ITGA9: variants seen among roughly 807,000 people sequenced by gnomAD.
ITGA9 encodes the protein integrin subunit alpha 9, also known as integrin alpha-9.
Under a neutral mutation model 127.8 loss-of-function variants are expected in ITGA9, and 56 were observed. The ratio of observed to expected loss-of-function variants is 0.44; its 90% CI spans 0.35 to 0.55. The LOEUF is 0.55. ITGA9 is among the 20% of genes least tolerant of loss of function. The pLI, the probability that ITGA9 is intolerant of heterozygous loss-of-function variation, is 0.00. For synonymous variants in ITGA9, 508 were observed against 514.5 expected (o/e 0.99, Z 0.17); for missense variants, 1,196 against 1,347.1 (o/e 0.89, Z 1.76).
At chr3:37,684,326 T>G (rs574964238) in intron 18 of ITGA9, among the ~76,000 whole-genome samples, 2 of 152,284 alleles carry the variant, frequency 1.3e-5, no homozygotes, top group South Asian at 4.2e-4. Flanking sequence ...ACAGTTGCTG[T>G]CTCCAGCACA....
intron 12 of ITGA9, among the ~76,000 whole-genome samples, chr3:37,525,307 A>G (rs185199370): frequency 1.3e-5 from 2 of 152,364 alleles, no homozygotes; most frequent in Non-Finnish European, 2.9e-5. Context: ...CATATATTTA[A>G]TAAATATTTA....
intron 16 of ITGA9, among the ~76,000 whole-genome samples, chr3:37,638,290 G>A (rs966876749): frequency 7.9e-5 from 12 of 152,084 alleles, no homozygotes; most frequent in Non-Finnish European, 7.4e-5. Flanking sequence ...TCAGTATGGC[G>A]AGGTATGTGG....
chr3:37,536,463 A>G (rs1196362656), intron 14 of ITGA9, among the ~76,000 whole-genome samples: 1 of 152,232 alleles, frequency 6.6e-6, no homozygotes, highest in Admixed American at 6.5e-5. Flanking sequence ...CTTCTGTGGT[A>G]TTTATCTGCT....
intron 2 of ITGA9, among the ~76,000 whole-genome samples, chr3:37,472,206 C>A (rs371875277): frequency 3.3e-5 from 5 of 152,192 alleles, no homozygotes; most frequent in Admixed American, 2.0e-4. Context: ...CCCTCACCTT[C>A]AAGATCAAGA....
chr3:37,806,464 C>A lies in ITGA9; in HGVS notation c.3009+2522C>A, dbSNP rs1697298281. On this transcript the variant is annotated intron_variant, in intron 27 of 27. Coordinates refer to ENST00000264741, the MANE Select transcript of ITGA9 (RefSeq NM_002207.3). This position sits in a 1 kb window ranked among gnomAD's most constrained non-coding sequence, Gnocchi z 4.3. Reference sequence around the variant, plus strand: ...TTCCCCTTATAGTCTGCATGCCCTCCTTCTGGCCGCCCCACCTGGCTCTGC... The same window carrying A: ...TTCCCCTTATAGTCTGCATGCCCTCATTCTGGCCGCCCCACCTGGCTCTGC... 6.6e-6 allele frequency: 1 copy of A among 152,496 alleles called. No individual in the cohort carries two copies. The highest frequency in any genetic ancestry group is 6.5e-5 in the Admixed American group (1 of 15,282). The allele number at this position is 152,496 out of a possible 1,614,324, so 9.4% of individuals were successfully genotyped here. A position where few individuals can be genotyped will look rare whatever the true frequency, so the allele number is the denominator to read the frequency against.
At chr3:37,594,374 C>T (rs540802509) in intron 15 of ITGA9, among the ~76,000 whole-genome samples, 1 of 152,338 alleles carries the variant, frequency 6.6e-6, no homozygotes, top group African/African-American at 2.4e-5. Context: ...TTGCTCTCAG[C>T]AAGCTCCTCT....
chr3:37,525,930 C>T (rs1206240690), intron 12 of ITGA9, 96 bp from the exon 13 acceptor site: 2 of 1,004,564 alleles, frequency 2.0e-6, no homozygotes, highest in Middle Eastern at 2.9e-4. Context: ...TCTCCGGCCT[C>T]AAGGCTGGGT....
rs147934395 is a variant in ITGA9 at position 37,723,709 on chromosome 3, G to A, written c.2068-9003G>A. ...AATTTTTTGTTTTTGCCATCTCCCC[G>A]TGTAGGCTGCATGTGCTGCGACGGC... On this transcript the variant is annotated intron_variant, in intron 18 of 27. Transcript: ENST00000264741. 1.3e-4 allele frequency among the ~76,000 whole-genome samples: 20 copies of A among 152,294 alleles called. 1 individual carries two copies. In the East Asian group the frequency reaches 3.1e-3, roughly 23 times the overall value.
At chr3:37,559,529 G>A (rs1310076122) in intron 15 of ITGA9, among the ~76,000 whole-genome samples, 1 of 152,194 alleles carries the variant, frequency 6.6e-6, no homozygotes, top group Admixed American at 6.5e-5. Flanking sequence ...TTTCCAAGCA[G>A]GTGTCCTTGC....
At chr3:37,581,150 G>C (rs4678970) in intron 15 of ITGA9, among the ~76,000 whole-genome samples, 106,191 of 152,070 alleles carry the variant, frequency 0.7, 37,494 homozygotes, top group East Asian at 0.75. Context: ...AAAAATCACT[G>C]TGGGCCTGTG....
intron 15 of ITGA9, among the ~76,000 whole-genome samples, chr3:37,602,103 C>T (rs1047209558): frequency 2.0e-5 from 3 of 152,174 alleles, no homozygotes; most frequent in Admixed American, 6.5e-5. Flanking sequence ...ACCCAAGCAC[C>T]TCCCATCAGA....
chr3:37,686,695 G>T (rs1380715099), intron 18 of ITGA9, among the ~76,000 whole-genome samples: 15 of 152,096 alleles, frequency 9.9e-5, no homozygotes, highest in Admixed American at 6.5e-5. Context: ...CGTGGTGAGT[G>T]TTAGCTCCAG....
intron 15 of ITGA9, among the ~76,000 whole-genome samples, chr3:37,565,955 T>C (rs941433469): frequency 1.3e-5 from 2 of 152,176 alleles, no homozygotes; most frequent in Non-Finnish European, 2.9e-5. Flanking sequence ...TTATAGATGA[T>C]AAAGACCTCA....
intron 17 of ITGA9, among the ~76,000 whole-genome samples, chr3:37,678,120 G>A (rs1700700173): frequency 2.0e-5 from 3 of 152,216 alleles, no homozygotes. Context: ...TGTGAATAGT[G>A]CTGCTATGAA....
intron 17 of ITGA9, among the ~76,000 whole-genome samples, chr3:37,662,083 G>C (rs981391296): frequency 1.3e-5 from 2 of 152,134 alleles, no homozygotes; most frequent in African/African-American, 4.8e-5. Flanking sequence ...CCAAGTTGTA[G>C]TGTAAGTGCT....
At position 37,779,498 on chromosome 3, in the gene ITGA9, T is replaced by C. The variant is rs1696949550; in HGVS notation, c.2668-404T>C. ...TATTCACCTACCTAATAAATAGGCA[T>C]GAAAGTATATTTGCCACTACACAGG... is the stretch of plus-strand genomic sequence containing the variant. On this transcript the variant is annotated intron_variant, in intron 24 of 27. Coordinates refer to ENST00000264741, the MANE Select transcript of ITGA9 (RefSeq NM_002207.3). Among the ~76,000 whole-genome samples, 3 of 152,292 alleles carry C rather than the reference T, an allele frequency of 2.0e-5. No individual in the cohort carries two copies. The South Asian group carries it at 6.2e-4, about 32-fold the overall frequency.
intron 15 of ITGA9, among the ~76,000 whole-genome samples, chr3:37,545,743 T>C (rs1699320015): frequency 6.6e-6 from 1 of 152,136 alleles, no homozygotes; most frequent in Non-Finnish European, 1.5e-5. Flanking sequence ...GCTGGAGGCC[T>C]CTGGTGGATC....
chr3:37,725,206 T>C (rs961447207), intron 18 of ITGA9, among the ~76,000 whole-genome samples: 8 of 152,204 alleles, frequency 5.3e-5, no homozygotes, highest in African/African-American at 1.7e-4. Flanking sequence ...TCATATTTTC[T>C]TAGTTATGTA....
At chr3:37,520,967 G>A (rs1188506698) in intron 11 of ITGA9, among the ~76,000 whole-genome samples, 1 of 152,150 alleles carries the variant, frequency 6.6e-6, no homozygotes, top group African/African-American at 2.4e-5. Context: ...TTGGTTGCTG[G>A]GTGGAATCCC....
Sources: allele counts gnomAD v4.1 joint callset (sites outside exome capture counted in the v4.1 genomes callset), GRCh38; gene constraint gnomAD v4.1.1; non-coding constraint Gnocchi (gnomAD v3.1); transcripts MANE v1.5; gene names NCBI Gene and HGNC (gene_info 2026-07-23, HGNC 2026-07-21).